The following NEGR1 variants were observed in gnomAD, a reference collection of about 807,000 sequenced individuals.
NEGR1 encodes the protein IgLON family member 4.
Under a neutral mutation model 40.9 loss-of-function variants are expected in NEGR1, and 10 were observed. That is an observed-to-expected ratio of 0.24 (90% CI 0.15 to 0.42). The LOEUF (loss-of-function observed/expected upper bound fraction) is 0.42, where lower values mean the gene tolerates loss of function less well. NEGR1 is among the 10% of genes least tolerant of loss of function. The pLI is 1.00. For missense variants in NEGR1, 352 were observed against 438.9 expected (o/e 0.80, Z 1.77); for synonymous variants, 185 against 166.8 (o/e 1.11, Z -0.84).
chr1:71,977,497 C>T lies in NEGR1; in HGVS notation c.177-42186G>A, dbSNP rs539702901. 3.9e-5 allele frequency among the ~76,000 whole-genome samples: 6 copies of T among 152,080 alleles called. No homozygotes were observed. In the South Asian group the frequency reaches 6.2e-4, roughly 16 times the overall value. On this transcript the variant is annotated intron_variant, in intron 1 of 6. Coordinates refer to ENST00000357731, the MANE Select transcript of NEGR1 (RefSeq NM_173808.3). ...ATCTAGGTATCTTAAAAATGGTCAA[C>T]GAGTGTATCTCAACAATGATTTTTT...
intron 4 of NEGR1, among the ~76,000 whole-genome samples, chr1:71,624,714 C>T (rs1456882676): frequency 6.6e-6 from 1 of 151,950 alleles, no homozygotes; most frequent in Non-Finnish European, 1.5e-5. Context: ...CTTACATCCT[C>T]ATTTCCTTCC....
At chr1:72,065,270 T>C (rs1197034285) in intron 1 of NEGR1, among the ~76,000 whole-genome samples, 1 of 152,102 alleles carries the variant, frequency 6.6e-6, no homozygotes, top group Non-Finnish European at 1.5e-5. Context: ...TCTATCTACC[T>C]GCTTTTGAAT....
chr1:72,266,283 T>C (rs1655636469), intron 1 of NEGR1, among the ~76,000 whole-genome samples: 1 of 150,904 alleles, frequency 6.6e-6, no homozygotes. Flanking sequence ...TAACAAATTT[T>C]AATAACTTAA....
intron 6 of NEGR1, among the ~76,000 whole-genome samples, chr1:71,490,245 A>G (rs1569938550): frequency 6.6e-6 from 1 of 152,106 alleles, no homozygotes; most frequent in East Asian, 1.9e-4. Flanking sequence ...TAACAATTAT[A>G]TATTTGTTTC....
In NEGR1 at chr1:71,984,329, T is replaced by A. The variant is rs187792930; in HGVS notation, c.177-49018A>T. Among the ~76,000 whole-genome samples the A allele has an allele frequency of 3.4e-5, 4 of 117,752 alleles. 1 individual carries two copies. Among genetic ancestry groups the A allele is most frequent in the African/African-American group, 1.1e-4 (4 of 37,372 alleles). The allele number at this position is 117,752 out of a possible 152,430, so 77.2% of individuals were successfully genotyped here. On this transcript the variant is annotated intron_variant, in intron 1 of 6. Coordinates refer to ENST00000357731, the MANE Select transcript of NEGR1 (RefSeq NM_173808.3). The stretch of plus-strand genomic sequence containing the variant: ...GATTTGTAGATACAGGGTCTCACCA[T>A]GTTGCCTAGACTGGTCTCGAACTCC...
At chr1:71,610,905 G>A in intron 5 of NEGR1, 121 bp downstream of exon 5, 1 of 980,964 alleles carries the variant, frequency 1.0e-6, no homozygotes, top group Non-Finnish European at 1.5e-6. Flanking sequence ...TTTGCTTGCT[G>A]GAGAGGAGGC....
intron 1 of NEGR1, among the ~76,000 whole-genome samples, chr1:72,075,193 G>A (rs1046075454): frequency 1.3e-5 from 2 of 152,070 alleles, no homozygotes; most frequent in African/African-American, 4.8e-5. Context: ...AAATATTTAT[G>A]TTTACAAGTT....
At chr1:71,683,753 C>A (rs1004556135) in intron 4 of NEGR1, among the ~76,000 whole-genome samples, 3 of 147,402 alleles carry the variant, frequency 2.0e-5, no homozygotes, top group South Asian at 2.2e-4. Flanking sequence ...TTAAACTACC[C>A]CCACCAAAAG....
At chr1:71,602,673 C>T (rs1649963971) in intron 5 of NEGR1, among the ~76,000 whole-genome samples, 1 of 152,160 alleles carries the variant, frequency 6.6e-6, no homozygotes, top group African/African-American at 2.4e-5. Flanking sequence ...TGAATGGGCT[C>T]TTACTGTGCA....
At chr1:72,060,706 A>G (rs1476168962) in intron 1 of NEGR1, among the ~76,000 whole-genome samples, 2 of 151,642 alleles carry the variant, frequency 1.3e-5, no homozygotes, top group East Asian at 3.9e-4. Context: ...ACAGACACCA[A>G]CAATAAACAT....
intron 5 of NEGR1, among the ~76,000 whole-genome samples, chr1:71,604,677 A>C (rs1650025238): frequency 1.3e-5 from 2 of 152,172 alleles, no homozygotes; most frequent in Admixed American, 1.3e-4. Context: ...TGTAAAGTGA[A>C]CATGGCATAT....
intron 1 of NEGR1, among the ~76,000 whole-genome samples, chr1:72,201,863 C>T (rs1653225082): frequency 6.6e-6 from 1 of 151,858 alleles, no homozygotes; most frequent in Non-Finnish European, 1.5e-5. Context: ...TATGACTCTG[C>T]CTTGATCCTA....
At chr1:72,243,114 C>T (rs1654800298) in intron 1 of NEGR1, among the ~76,000 whole-genome samples, 1 of 151,546 alleles carries the variant, frequency 6.6e-6, no homozygotes, top group Non-Finnish European at 1.5e-5. Flanking sequence ...TTATGGTCTT[C>T]ATAATATTTA....
chr1:71,774,386 G>T (rs1656431052), intron 3 of NEGR1, among the ~76,000 whole-genome samples: 1 of 152,122 alleles, frequency 6.6e-6, no homozygotes, highest in Non-Finnish European at 1.5e-5. Context: ...TGGCAGTCAA[G>T]AGCACACTCA....
chr1:72,279,466 T>C (rs1656172335), intron 1 of NEGR1, among the ~76,000 whole-genome samples: 1 of 148,426 alleles, frequency 6.7e-6, no homozygotes, highest in Admixed American at 6.7e-5. Flanking sequence ...GTGAGGAATA[T>C]GTTACATTAA....
intron 1 of NEGR1, among the ~76,000 whole-genome samples, chr1:72,229,008 A>G (rs1428881138): frequency 6.6e-6 from 1 of 152,084 alleles, no homozygotes; most frequent in Non-Finnish European, 1.5e-5. Context: ...GCTTTAATCC[A>G]TCCTGTTCCA....
chr1:71,796,434 G>T lies in NEGR1; in HGVS notation c.410-20137C>A, dbSNP rs1570358278. Among the ~76,000 whole-genome samples, 4 of 152,090 alleles carry T rather than the reference G, an allele frequency of 2.6e-5. 1 individual carries two copies. In the South Asian group the frequency reaches 8.3e-4, roughly 32 times the overall value. On this transcript the variant is annotated intron_variant, in intron 2 of 6. Coordinates refer to ENST00000357731, the MANE Select transcript of NEGR1 (RefSeq NM_173808.3). ...TTCTCTCTTTAGAAAAAATAATCGAGAAACAGGTTTTGATTTTGTGCATTT... is the reference window on the plus strand; with the variant it reads ...TTCTCTCTTTAGAAAAAATAATCGATAAACAGGTTTTGATTTTGTGCATTT...
chr1:72,032,547 A>G (rs1057221040), intron 1 of NEGR1, among the ~76,000 whole-genome samples: 1 of 152,152 alleles, frequency 6.6e-6, no homozygotes, highest in Non-Finnish European at 1.5e-5. Flanking sequence ...GGATATCAGG[A>G]CCCAAGTTAA....
At chr1:71,828,984 C>T (rs565146429) in intron 2 of NEGR1, among the ~76,000 whole-genome samples, 28 of 152,020 alleles carry the variant, frequency 1.8e-4, no homozygotes, top group Non-Finnish European at 3.2e-4. Context: ...AACACTATCA[C>T]GTTTGGAAAT....
Sources: allele counts gnomAD v4.1 joint callset (sites outside exome capture counted in the v4.1 genomes callset), GRCh38; gene constraint gnomAD v4.1.1; transcripts MANE v1.5; gene names NCBI Gene and HGNC (gene_info 2026-07-23, HGNC 2026-07-21).